Variants in CHM observed in about 807,000 individuals in gnomAD.
The protein encoded by CHM is rab proteins geranylgeranyltransferase component A 1.
A neutral mutation model predicts 49.0 loss-of-function variants in CHM; 10 were observed. The observed-to-expected ratio is 0.20, with a 90% CI of 0.13 to 0.35. The LOEUF is 0.35. CHM is among the 10% of genes least tolerant of loss of function. The pLI is 1.00. For synonymous variants in CHM, 184 were observed against 167.5 expected (o/e 1.10, Z -0.76); for missense variants, 455 against 478.4 (o/e 0.95, Z 0.46).
chrX:85,930,686 A>G (rs143843573), intron 8 of CHM, among the ~76,000 whole-genome samples: 196 of 111,630 alleles, frequency 1.8e-3, no homozygotes, highest in African/African-American at 6.1e-3. Flanking sequence ...CTTTGTGATA[A>G]TACTATTTTT....
chrX:85,899,575 C>A (rs1926111838), intron 11 of CHM, among the ~76,000 whole-genome samples: 1 of 109,826 alleles, frequency 9.1e-6, no homozygotes. Flanking sequence ...GAAACCAATG[C>A]CATTACATTA....
chrX:85,973,129 T>C (rs144396076), intron 4 of CHM, among the ~76,000 whole-genome samples: 1,546 of 104,937 alleles, frequency 0.015, 43 homozygotes, highest in African/African-American at 0.052. Flanking sequence ...TGAAACCCAG[T>C]CTCTACTAAA....
rs751558484 is a variant in CHM, at chrX:85,954,586, C to A, written c.1166+1567G>T. ...AGTACAGTTACACCTTGGAGTAATA[C>A]TCAGCCATAAAAAGAACGAGATCCT... On this transcript the variant is annotated intron_variant, in intron 8 of 14. Transcript: ENST00000357749. 5.4e-5 allele frequency among the ~76,000 whole-genome samples: 6 copies of A among 111,500 alleles called. No individual in the cohort carries two copies. The South Asian group carries it at 2.3e-3, about 42-fold the overall frequency.
chrX:85,997,026 C>A (rs1453201230), intron 2 of CHM, among the ~76,000 whole-genome samples: 4 of 112,186 alleles, frequency 3.6e-5, no homozygotes, highest in African/African-American at 9.7e-5. Flanking sequence ...TGGAGAAAGG[C>A]ACAGACCTGC....
intron 7 of CHM, 147 bp downstream of exon 7, chrX:85,957,707 TA>T: frequency 1.7e-6 from 1 of 585,640 alleles, no homozygotes; most frequent in Non-Finnish European, 2.5e-6. Context: ...TTTAAATAGC[TA>T]AATGTTACTA....
rs965450723 is a variant in CHM, at chrX:85,975,031, A to G, written c.314+3736T>C. Among the ~76,000 whole-genome samples the G allele has an allele frequency of 6.3e-5, 7 of 111,203 alleles. No homozygotes were observed. In the South Asian group the frequency reaches 2.3e-3, roughly 36 times the overall value. On this transcript the variant is annotated intron_variant, in intron 4 of 14. Coordinates refer to ENST00000357749, the MANE Select transcript of CHM (RefSeq NM_000390.4). ...TACTCCAATTTTAAAAACAAGCAAAAGACATGAACAGACACTTCACCAAAA... is the reference window on the plus strand; with the variant it reads ...TACTCCAATTTTAAAAACAAGCAAAGGACATGAACAGACACTTCACCAAAA...
chrX:85,950,327 T>C (rs1167153337), intron 8 of CHM, among the ~76,000 whole-genome samples: 1 of 96,984 alleles, frequency 1.0e-5, no homozygotes, highest in East Asian at 3.0e-4. Context: ...AAAATATCTA[T>C]ATATGAAATG....
chrX:86,033,327 A>T lies in CHM; in HGVS notation c.50-5770T>A, dbSNP rs977935349. Among the ~76,000 whole-genome samples the T allele has an allele frequency of 3.6e-5, 4 of 112,217 alleles. No homozygotes were observed. In the East Asian group the frequency reaches 1.1e-3, roughly 31 times the overall value. Reference sequence around the variant, plus strand: ...GGCAAAGCCCAAGTACTTTCAGCTCAAATCATATGAAACCATAAATCACTC... The same window carrying T: ...GGCAAAGCCCAAGTACTTTCAGCTCTAATCATATGAAACCATAAATCACTC... On this transcript the variant is annotated intron_variant, in intron 1 of 14. Transcript: ENST00000357749.
chrX:85,922,171 T>C (rs1246278287), intron 8 of CHM, among the ~76,000 whole-genome samples: 1 of 112,331 alleles, frequency 8.9e-6, no homozygotes, highest in Non-Finnish European at 1.9e-5. Context: ...CATACTTATA[T>C]TGCATATTTA....
In CHM at chrX:85,868,019, C is replaced by G. The variant is rs367891944; in HGVS notation, c.1771-3198G>C. Among the ~76,000 whole-genome samples the G allele has an allele frequency of 9.3e-3, 891 of 95,811 alleles. 8 individuals are homozygous for G. Among genetic ancestry groups the G allele is most frequent in the African/African-American group, 0.035 (855 of 24,085 alleles). 83.2% of individuals were successfully genotyped at this position (95,811 alleles called of 115,157 possible). On this transcript the variant is annotated intron_variant, in intron 14 of 14. Transcript: ENST00000357749. ...CGTCCATCACCACTAATAGTTACCA[C>G]TGTGTGTGTGTGTGTGTGTGTGTGT... is the stretch of plus-strand genomic sequence containing the variant.
intron 5 of CHM, among the ~76,000 whole-genome samples, chrX:85,962,377 C>A (rs1238994759): frequency 8.9e-6 from 1 of 111,913 alleles, no homozygotes; most frequent in Admixed American, 9.5e-5. Flanking sequence ...GAAGTAGAAC[C>A]AATGCAATAG....
At chrX:85,933,042 T>A (rs1179040838) in intron 8 of CHM, among the ~76,000 whole-genome samples, 2 of 111,055 alleles carry the variant, frequency 1.8e-5, no homozygotes, top group East Asian at 5.7e-4. Flanking sequence ...CAGCCTACTA[T>A]ACCTAAGAAC....
Position 85,978,864 on chromosome X carries a change from G to C in CHM, c.217C>G (p.Pro73Ala), listed in dbSNP as rs775421659. The stretch of plus-strand genomic sequence containing the variant: ...TCAAGGATCTGGTCTTGCCACACTG[G>C]ACTGTCACTTACAATGTCACTGTTT... ...QENSDIVSDS[P>A]VWQDQILENE... Residue 73 changes from proline (P) to alanine (A), a missense_variant, in exon 4 of 15, where the codon CCA (proline) becomes GCA (alanine). Coordinates refer to ENST00000357749, the MANE Select transcript of CHM (RefSeq NM_000390.4). 1 of 1,206,435 alleles carries C rather than the reference G, an allele frequency of 8.3e-7. No homozygotes were observed. Among genetic ancestry groups the C allele is most frequent in the Admixed American group, 2.2e-5 (1 of 45,937 alleles).
chrX:85,927,066 A>G (rs1928131454), intron 8 of CHM, among the ~76,000 whole-genome samples: 1 of 111,885 alleles, frequency 8.9e-6, no homozygotes, highest in Non-Finnish European at 1.9e-5. Flanking sequence ...CTACTGACCA[A>G]GAGTAAAGAC....
intron 8 of CHM, among the ~76,000 whole-genome samples, chrX:85,940,324 C>T (rs926289637): frequency 1.8e-5 from 2 of 112,000 alleles, no homozygotes; most frequent in African/African-American, 6.5e-5. Context: ...AACGACATCA[C>T]TGCCTTTCAA....
intron 4 of CHM, among the ~76,000 whole-genome samples, chrX:85,975,149 A>C (rs1316179931): frequency 1.8e-5 from 2 of 112,228 alleles, no homozygotes; most frequent in Non-Finnish European, 3.8e-5. Context: ...CACCAAATTA[A>C]GGTAAGTATG....
chrX:86,027,406 G>T, intron 2 of CHM, 85 bp downstream of exon 2: 1 of 760,022 alleles, frequency 1.3e-6, no homozygotes, highest in Non-Finnish European at 2.0e-6. Flanking sequence ...ATGTACATAC[G>T]TACAGACATA....
chrX:85,880,442 C>T (rs1924692156), intron 12 of CHM, among the ~76,000 whole-genome samples: 3 of 111,346 alleles, frequency 2.7e-5, no homozygotes, highest in Admixed American at 1.9e-4. Flanking sequence ...ATAATCTATC[C>T]TGTCTCTTAT....
chrX:85,989,987 G>C (rs1421846367), intron 2 of CHM, among the ~76,000 whole-genome samples: 1 of 111,604 alleles, frequency 9.0e-6, no homozygotes, highest in Non-Finnish European at 1.9e-5. Flanking sequence ...CCCAGTAGTG[G>C]GTATATACCC....
Sources: allele counts gnomAD v4.1 joint callset (sites outside exome capture counted in the v4.1 genomes callset), GRCh38; gene constraint gnomAD v4.1.1; transcripts MANE v1.5; gene names NCBI Gene and HGNC (gene_info 2026-07-23, HGNC 2026-07-21).